The following SLTM variants were observed in gnomAD, a reference collection of about 807,000 sequenced individuals.
SLTM encodes the protein SAFB like transcription modulator, also known as SAFB-like transcription modulator.
Under a neutral mutation model 134.6 loss-of-function variants are expected in SLTM, and 43 were observed. The ratio of observed to expected loss-of-function variants is 0.32; its 90% CI spans 0.25 to 0.41. SLTM has a LOEUF of 0.41. SLTM is among the 10% of genes least tolerant of loss of function. The pLI is 1.00. For synonymous variants in SLTM, 424 were observed against 432.3 expected, an observed-to-expected ratio of 0.98 and a Z score of 0.24; for missense variants, 1,055 against 1,288.8, an observed-to-expected ratio of 0.82 and a Z score of 2.78.
chr15:58,924,408 C>G (rs1032963299), intron 2 of SLTM, among the ~76,000 whole-genome samples: 3 of 152,134 alleles, frequency 2.0e-5, no homozygotes, highest in Non-Finnish European at 2.9e-5. Context: ...TAATGAAACC[C>G]TCTGAGATAT....
Position 58,888,564 on chromosome 15 carries a change from G to C in SLTM, c.2205-9C>G. 1 of 1,610,718 alleles carries C rather than the reference G, an allele frequency of 6.2e-7. No homozygotes were observed. Among genetic ancestry groups the C allele is most frequent in the South Asian group, 1.1e-5 (1 of 90,698 alleles). ...AGTAAGGATCATCTCGCCTTGAAGA[G>C]AAATATTTGCTTATTTACATAAATT... On this transcript the variant is annotated splice_polypyrimidine_tract_variant and intron_variant, in intron 16 of 20. Coordinates refer to ENST00000380516, the MANE Select transcript of SLTM (RefSeq NM_024755.4).
At chr15:58,912,480 A>G in intron 5 of SLTM, 83 bp downstream of exon 5, 1 of 1,125,316 alleles carries the variant, frequency 8.9e-7, no homozygotes, top group Middle Eastern at 2.0e-4. Context: ...TATGAATTAA[A>G]GAATTATGAA....
intron 17 of SLTM, 145 bp downstream of exon 17, chr15:58,888,240 C>T (rs2034382237): frequency 1.7e-6 from 1 of 591,640 alleles, no homozygotes; most frequent in Non-Finnish European, 2.8e-6. Context: ...TACTGAATCA[C>T]ATTCCCATTA....
intron 2 of SLTM, among the ~76,000 whole-genome samples, chr15:58,925,906 T>C (rs1289230121): frequency 6.6e-6 from 1 of 152,152 alleles, no homozygotes. Context: ...GTTGTGAGAA[T>C]CAAATAAAGC....
In SLTM at chr15:58,888,433, C is replaced by T. The variant is rs2034397696; in HGVS notation, c.2327G>A (p.Arg776Lys). The change falls in exon 17 of 21, where the codon AGG becomes AAG. Residue 776 changes from arginine (R) to lysine (K), a missense_variant. Around this residue, in one of 3 missense-constraint regions of SLTM, gnomAD observed 776 missense variants for 962.2 expected, o/e 0.81. Coordinates refer to ENST00000380516, the MANE Select transcript of SLTM (RefSeq NM_024755.4). ...TGCTGAACTCTCAGGAAACCTGCCC[C>T]TCTCTCGGTGATCAAAGTCATTAAA... Reference protein sequence around the residue: ...NRFNDFDHRERGRFPESSAVQ... With the variant: ...NRFNDFDHREKGRFPESSAVQ... The T allele has an allele frequency of 6.2e-7, 1 of 1,613,494 alleles. No individual in the cohort carries two copies. The highest frequency in any genetic ancestry group is 8.5e-7 in the Non-Finnish European group (1 of 1,179,838).
chr15:58,894,445 A>T lies in SLTM; in HGVS notation c.1365T>A (p.Ile455=). The T allele has an allele frequency of 2.5e-6, 4 of 1,614,114 alleles. No individual in the cohort carries two copies. Among genetic ancestry groups the T allele is most frequent in the Non-Finnish European group, 3.4e-6 (4 of 1,179,998 alleles). ...TAGGGAAGCTTACTTTTTCAACAGA[A>T]ATCAGCTGTCCATGCAGCTCAGTGC... ...LHRTELHGQL[I]SVEKVKGDPS... is the part of the protein sequence containing the mutation. Residue 455 remains isoleucine (I), a synonymous_variant, in exon 10 of 21, where the codon ATT becomes ATA. Transcript: ENST00000380516.
At chr15:58,929,216 C>T (rs553619420) in intron 2 of SLTM, among the ~76,000 whole-genome samples, 20 of 152,120 alleles carry the variant, frequency 1.3e-4, no homozygotes, top group African/African-American at 2.9e-4. Context: ...TTTGGGAGGC[C>T]GAGGCGGGAG....
At position 58,890,426 on chromosome 15, in the gene SLTM, C is replaced by T. The variant is rs750960675; in HGVS notation, c.1934G>A (p.Arg645Gln). The T allele has an allele frequency of 3.1e-6, 5 of 1,613,778 alleles. No individual in the cohort carries two copies. The highest frequency in any genetic ancestry group is 1.3e-5 in the African/African-American group (1 of 74,892). ...REIAERERRE[R>Q]ERIRIIRERE... ...TTCACGAATTATTCTAATGCGTTCT[C>T]GCTCTCGACGCTCTCTCTCTGCAAT... The change falls in exon 15 of 21, where the codon CGA (arginine) becomes CAA (glutamine). Residue 645 changes from arginine (R) to glutamine (Q), a missense_variant. Transcript: ENST00000380516.
At chr15:58,916,420 C>G (rs541569514) in intron 3 of SLTM, among the ~76,000 whole-genome samples, 1 of 152,138 alleles carries the variant, frequency 6.6e-6, no homozygotes, top group Admixed American at 6.5e-5. Context: ...GTGATCCGCC[C>G]GCCTAGACCT....
At position 58,899,234 on chromosome 15, in the gene SLTM, C is replaced by CAAAAAAAA; in HGVS notation, c.1058+234_1058+235insTTTTTTTT. 2.4e-6 allele frequency: 1 copy of CAAAAAAAA among 411,738 alleles called. No individual in the cohort carries two copies. Among genetic ancestry groups the CAAAAAAAA allele is most frequent in the South Asian group, 6.2e-5 (1 of 16,046 alleles). The allele number at this position is 411,738 out of a possible 1,614,324, so 25.5% of individuals were successfully genotyped here. On this transcript the variant is annotated intron_variant, in intron 7 of 20. Transcript: ENST00000380516. The surrounding 1 kb of genome is among the most constrained non-coding windows in gnomAD (Gnocchi z 5.0). ...AAAAAAAAAAACAAAAAACAAAAAA[C>CAAAAAAAA]AACAAAAAAACCAAATATATGCTGA...
At position 58,889,837 on chromosome 15, in the gene SLTM, T is replaced by C. The variant is rs990126610; in HGVS notation, c.2080-283A>G. The stretch of plus-strand genomic sequence containing the variant: ...TAAAACAAAAGCACCTAAAGGGAAT[T>C]AGAAATAGCATTCTTAATATGCATG... On this transcript the variant is annotated intron_variant, in intron 15 of 20. Transcript: ENST00000380516. The C allele has an allele frequency of 3.6e-5, 14 of 385,040 alleles. No individual in the cohort carries two copies. In the East Asian group the frequency reaches 5.7e-4, roughly 16 times the overall value. The allele number at this position is 385,040 out of a possible 1,614,324, so 23.9% of individuals were successfully genotyped here.
intron 4 of SLTM, 127 bp from the exon 5 acceptor site, chr15:58,912,737 T>TAA: frequency 1.4e-6 from 1 of 708,952 alleles, no homozygotes; most frequent in Non-Finnish European, 2.4e-6. Flanking sequence ...CCATGGGTAC[T>TAA]AAATCAATGC....
chr15:58,928,662 T>C (rs1224362109), intron 2 of SLTM, among the ~76,000 whole-genome samples: 1 of 152,044 alleles, frequency 6.6e-6, no homozygotes, highest in African/African-American at 2.4e-5. Flanking sequence ...AGTTACCCTA[T>C]AGTTATTTTA....
intron 5 of SLTM, among the ~76,000 whole-genome samples, chr15:58,901,975 A>T (rs1867327506): frequency 6.6e-6 from 1 of 152,220 alleles, no homozygotes; most frequent in African/African-American, 2.4e-5. Context: ...CAAGTAATTA[A>T]AACAAGTTAA....
chr15:58,891,227 G>A (rs1444536359), intron 14 of SLTM, among the ~76,000 whole-genome samples: 2 of 152,174 alleles, frequency 1.3e-5, no homozygotes, highest in African/African-American at 4.8e-5. Flanking sequence ...GCAGATACTA[G>A]TGTTTAGTGT....
At chr15:58,898,752 T>C (rs772323660) in intron 8 of SLTM, 51 bp downstream of exon 8, 12 of 1,416,088 alleles carry the variant, frequency 8.5e-6, no homozygotes, top group Non-Finnish European at 1.1e-5. Flanking sequence ...TACTTTTTAA[T>C]GAAAATACAC....
Position 58,897,243 on chromosome 15 carries a change from A to G in SLTM, c.1109-10T>C. On this transcript the variant is annotated splice_polypyrimidine_tract_variant and intron_variant, in intron 8 of 20. Transcript: ENST00000380516. ...GTACTACTTGTACTTCCTAGAATAG[A>G]TTTAATATCAGATGTTTAAGTATCT... The G allele has an allele frequency of 7.0e-7, 1 of 1,424,504 alleles. No individual in the cohort carries two copies. The highest frequency in any genetic ancestry group is 9.9e-7 in the Non-Finnish European group (1 of 1,013,224). The allele number at this position is 1,424,504 out of a possible 1,614,324, so 88.2% of individuals were successfully genotyped here.
At chr15:58,892,811 A>C in intron 14 of SLTM, 86 bp downstream of exon 14, 2 of 1,384,400 alleles carry the variant, frequency 1.4e-6, no homozygotes, top group Non-Finnish European at 2.0e-6. Context: ...TTCTGTGGGA[A>C]TACAATTTCC....
intron 5 of SLTM, among the ~76,000 whole-genome samples, chr15:58,902,988 G>A (rs867016968): frequency 2.6e-5 from 4 of 152,004 alleles, no homozygotes; most frequent in East Asian, 1.9e-4. Flanking sequence ...TGCAACTTCC[G>A]CCTCCCGGGT....
Sources: allele counts gnomAD v4.1 joint callset (sites outside exome capture counted in the v4.1 genomes callset), GRCh38; gene constraint gnomAD v4.1.1; regional missense constraint gnomAD v4.1.1; non-coding constraint Gnocchi (gnomAD v3.1); transcripts MANE v1.5; gene names NCBI Gene and HGNC (gene_info 2026-07-23, HGNC 2026-07-21).